STAC: variants seen among roughly 807,000 people sequenced by gnomAD.
The protein encoded by STAC is SH3 and cysteine rich domain.
In STAC, 43 loss-of-function variants were observed where a neutral mutation model predicts 48.8. That is an observed-to-expected ratio of 0.88 (90% CI 0.69 to 1.14). STAC has a LOEUF of 1.14. Ranked by LOEUF, STAC falls within the 50% of genes most tolerant of loss-of-function variation. STAC has a pLI of 0.00. For missense variants in STAC, 497 were observed against 504.0 expected, an observed-to-expected ratio of 0.99 and a Z score of 0.13; for synonymous variants, 193 against 179.5, an observed-to-expected ratio of 1.07 and a Z score of -0.60.
chr3:36,472,919 G>T (rs112155396), intron 2 of STAC, among the ~76,000 whole-genome samples: 295 of 152,150 alleles, frequency 1.9e-3, no homozygotes, highest in African/African-American at 6.6e-3. Context: ...ACATTTTCAG[G>T]TATCTTTTCA....
intron 1 of STAC, among the ~76,000 whole-genome samples, chr3:36,425,852 C>T (rs1191013649): frequency 2.6e-5 from 4 of 152,028 alleles, no homozygotes; most frequent in Non-Finnish European, 5.9e-5. Context: ...CATGGTGAGA[C>T]CCTGTCTCTA....
At chr3:36,423,159 A>G (rs147917121) in intron 1 of STAC, among the ~76,000 whole-genome samples, 1 of 152,174 alleles carries the variant, frequency 6.6e-6, no homozygotes, top group African/African-American at 2.4e-5. Flanking sequence ...GTGAAAAAGG[A>G]AGAGAGAATG....
At chr3:36,471,469 C>G (rs375955690) in intron 2 of STAC, among the ~76,000 whole-genome samples, 1 of 152,186 alleles carries the variant, frequency 6.6e-6, no homozygotes, top group Admixed American at 6.5e-5. Flanking sequence ...AAAGTCTTCA[C>G]TCATTTCAGC....
intron 1 of STAC, among the ~76,000 whole-genome samples, chr3:36,390,291 A>T (rs942518896): frequency 6.6e-6 from 1 of 152,142 alleles, no homozygotes; most frequent in African/African-American, 2.4e-5. Context: ...CACAAATTCC[A>T]GACATCCCAC....
intron 10 of STAC, among the ~76,000 whole-genome samples, chr3:36,538,669 T>C (rs1699254105): frequency 6.6e-6 from 1 of 152,194 alleles, no homozygotes; most frequent in Non-Finnish European, 1.5e-5. Context: ...TTGCAAGAAT[T>C]TAACATTATT....
intron 2 of STAC, among the ~76,000 whole-genome samples, chr3:36,460,446 AC>A (rs879519937): frequency 1.5e-4 from 23 of 149,006 alleles, no homozygotes; most frequent in Middle Eastern, 3.4e-3. Flanking sequence ...ACACTAACAC[AC>A]AAAAAAATTT....
intron 10 of STAC, among the ~76,000 whole-genome samples, chr3:36,541,063 C>T (rs76876765): frequency 0.13 from 19,045 of 152,124 alleles, 1,252 homozygotes; most frequent in African/African-American, 0.16. Context: ...TTCTGCTAAG[C>T]TATCCTTGAA....
rs546546559 is a variant in STAC, at chr3:36,537,222, T to C, written c.1110+8237T>C. On this transcript the variant is annotated intron_variant, in intron 10 of 10. Coordinates refer to ENST00000273183, the MANE Select transcript of STAC (RefSeq NM_003149.3). ...ATACCTAAAGGAATATAAATCATTT[T>C]ATTATAAAGATAAATGCATGCATAT... is the stretch of plus-strand genomic sequence containing the variant. Among the ~76,000 whole-genome samples the C allele has an allele frequency of 1.6e-4, 24 of 152,342 alleles. 1 individual carries two copies. In the South Asian group the frequency reaches 4.6e-3, roughly 29 times the overall value.
At chr3:36,505,709 CT>C in intron 7 of STAC, 36 bp from the exon 8 acceptor site, 1 of 1,388,176 alleles carries the variant, frequency 7.2e-7, no homozygotes, top group Non-Finnish European at 1.0e-6. Flanking sequence ...TTTATTTCAC[CT>C]TTCTTTTCTC....
intron 1 of STAC, among the ~76,000 whole-genome samples, chr3:36,400,240 T>C (rs1699973585): frequency 6.6e-6 from 1 of 152,184 alleles, no homozygotes; most frequent in East Asian, 1.9e-4. Flanking sequence ...GATAAATGGA[T>C]AGATACAGAG....
At chr3:36,529,839 C>G (rs1699022407) in intron 10 of STAC, among the ~76,000 whole-genome samples, 1 of 151,810 alleles carries the variant, frequency 6.6e-6, no homozygotes, top group South Asian at 2.1e-4. Context: ...CTTGGACTTA[C>G]GGCAGGGCTC....
intron 6 of STAC, among the ~76,000 whole-genome samples, chr3:36,500,024 T>C (rs1005769624): frequency 1.3e-5 from 2 of 152,192 alleles, no homozygotes; most frequent in Non-Finnish European, 2.9e-5. Context: ...TGAAAAATGA[T>C]AGAAACTCAA....
intron 1 of STAC, among the ~76,000 whole-genome samples, chr3:36,381,341 C>T (rs1033723013): frequency 6.6e-6 from 1 of 152,236 alleles, no homozygotes; most frequent in African/African-American, 2.4e-5. Flanking sequence ...GAAAGTTACA[C>T]TAACACGTAT....
At position 36,507,702 on chromosome 3, in the gene STAC, C is replaced by T. The variant is rs370042287; in HGVS notation, c.920+1868C>T. Among the ~76,000 whole-genome samples, 57 of 152,218 alleles carry T rather than the reference C, an allele frequency of 3.7e-4. 1 individual carries two copies. In the South Asian group the frequency reaches 8.7e-3, roughly 23 times the overall value. On this transcript the variant is annotated intron_variant, in intron 8 of 10. Coordinates refer to ENST00000273183, the MANE Select transcript of STAC (RefSeq NM_003149.3). ...TCTTCTAAGTTTTCTAGTTTATTGG[C>T]GTAGAGGTGTGTATAGTATTCTCTG...
At chr3:36,515,359 G>A (rs1223935676) in intron 8 of STAC, among the ~76,000 whole-genome samples, 2 of 152,110 alleles carry the variant, frequency 1.3e-5, no homozygotes, top group Non-Finnish European at 2.9e-5. Flanking sequence ...CAATTTAGAG[G>A]TTTATTTTGC....
Position 36,380,764 on chromosome 3 carries a change from A to T in STAC, c.111+10A>T. ...CAGCCAGGAATCCAAGGTACCGAGC[A>T]CGCTTGCCCCCAAGAGAACACAAAC... On this transcript the variant is annotated intron_variant, in intron 1 of 10. Coordinates refer to ENST00000273183, the MANE Select transcript of STAC (RefSeq NM_003149.3). 6.2e-7 allele frequency: 1 copy of T among 1,601,914 alleles called. No individual in the cohort carries two copies. Among genetic ancestry groups the T allele is most frequent in the Admixed American group, 1.7e-5 (1 of 59,306 alleles).
intron 8 of STAC, among the ~76,000 whole-genome samples, chr3:36,515,389 G>A (rs1222302302): frequency 1.3e-5 from 2 of 152,084 alleles, no homozygotes; most frequent in East Asian, 3.9e-4. Flanking sequence ...GAATGTGCCT[G>A]GGAAAAAGAG....
intron 8 of STAC, among the ~76,000 whole-genome samples, chr3:36,514,519 G>A (rs1434569018): frequency 6.6e-6 from 1 of 151,890 alleles, no homozygotes; most frequent in Non-Finnish European, 1.5e-5. Context: ...ATATATTTCT[G>A]GAATTATTTG....
chr3:36,508,494 T>G (rs1288080587), intron 8 of STAC, among the ~76,000 whole-genome samples: 1 of 152,178 alleles, frequency 6.6e-6, no homozygotes, highest in Non-Finnish European at 1.5e-5. Flanking sequence ...TCTGTCTCAT[T>G]GATCTGTCTA....
Sources: gnomAD v4.1 joint callset for allele counts (sites outside exome capture counted in the v4.1 genomes callset) on GRCh38, gnomAD v4.1.1 for gene constraint, MANE v1.5 for transcripts, NCBI Gene and HGNC (gene_info 2026-07-23, HGNC 2026-07-21) for gene names.